ATRIP: variants seen among roughly 807,000 people sequenced by gnomAD.
The protein encoded by ATRIP is ATR-interacting protein.
Under a neutral mutation model 78.1 loss-of-function variants are expected in ATRIP, and 44 were observed. That is an observed-to-expected ratio of 0.56 (90% CI 0.44 to 0.72). The LOEUF (loss-of-function observed/expected upper bound fraction) is 0.72, where lower values mean the gene tolerates loss of function less well. ATRIP is among the 30% of genes least tolerant of loss of function. The pLI, the probability that ATRIP is intolerant of heterozygous loss-of-function variation, is 0.00. For synonymous variants in ATRIP, 388 were observed against 408.9 expected, an observed-to-expected ratio of 0.95 and a Z score of 0.62; for missense variants, 927 against 980.2, an observed-to-expected ratio of 0.95 and a Z score of 0.72.
At chr3:48,463,270 G>A (rs1478085903) in intron 8 of ATRIP, among the ~76,000 whole-genome samples, 2 of 152,186 alleles carry the variant, frequency 1.3e-5, no homozygotes, top group Non-Finnish European at 2.9e-5. Flanking sequence ...GGCAGCAGAT[G>A]TGTTTTCTGG....
At position 48,462,167 on chromosome 3, in the gene ATRIP, A is replaced by AT. The variant is rs567575791; in HGVS notation, c.1745+1381dup. Among the ~76,000 whole-genome samples, 272 of 146,564 alleles carry AT rather than the reference A, an allele frequency of 1.9e-3. 1 individual carries two copies. The highest frequency in any genetic ancestry group is 3.2e-3 in the African/African-American group (129 of 40,328). On this transcript the variant is annotated intron_variant, in intron 8 of 12. Coordinates refer to ENST00000320211, the MANE Select transcript of ATRIP (RefSeq NM_130384.3). ...ACAAAGCAAGACTCCCAGCTCTACA[A>AT]TTTTTTTTTTTTTAATTAGCCAGGC...
chr3:48,463,763 A>G lies in ATRIP; in HGVS notation c.1764A>G (p.Gln588=). 6.2e-7 allele frequency: 1 copy of G among 1,614,076 alleles called. No individual in the cohort carries two copies. Among genetic ancestry groups the G allele is most frequent in the Non-Finnish European group, 8.5e-7 (1 of 1,180,018 alleles). Residue 588 remains glutamine (Q), a synonymous_variant, in exon 9 of 13, where the codon CAA becomes CAG. Coordinates refer to ENST00000320211, the MANE Select transcript of ATRIP (RefSeq NM_130384.3). ...CTTTTAGGTTCCAGTGTGTGTTCCA[A>G]GTGCTGCCAAAGTGCCTCAGCCCAG... The part of the protein sequence containing the change: ...DFLPRFQCVF[Q]VLPKCLSPET...
intron 1 of ATRIP, among the ~76,000 whole-genome samples, chr3:48,449,065 G>A (rs1351682482): frequency 2.0e-5 from 3 of 152,150 alleles, no homozygotes; most frequent in Non-Finnish European, 2.9e-5. Context: ...GAGACTCTTG[G>A]AATTGGATGA....
rs1451652168 is a variant in ATRIP, at chr3:48,463,671, C to G, written c.1746-74C>G. The stretch of plus-strand genomic sequence containing the variant: ...TGACTTGCTCAATTTTCTGTTACCT[C>G]TAGTGGAGTGTGAAGGTAGGTTATG... On this transcript the variant is annotated intron_variant, in intron 8 of 12. Coordinates refer to ENST00000320211, the MANE Select transcript of ATRIP (RefSeq NM_130384.3). The G allele has an allele frequency of 6.3e-6, 10 of 1,586,122 alleles. No individual in the cohort carries two copies. In the East Asian group the frequency reaches 1.6e-4, roughly 25 times the overall value.
Position 48,467,310 on chromosome 3 carries a change from G to T in ATRIP, c.*1756G>T, listed in dbSNP as rs1297546144. On this transcript the variant is annotated 3_prime_UTR_variant, in exon 13 of 13. Transcript: ENST00000320211. ...GAGACCACAGGCCCTGCTGCGGTGGGTGGATGCTCACGCCAGGCCTTTCGG... is the reference window on the plus strand; with the variant it reads ...GAGACCACAGGCCCTGCTGCGGTGGTTGGATGCTCACGCCAGGCCTTTCGG... The T allele has an allele frequency of 6.2e-7, 1 of 1,614,156 alleles. No homozygotes were observed. The highest frequency in any genetic ancestry group is 2.2e-5 in the East Asian group (1 of 44,884).
In ATRIP at chr3:48,450,063, G is replaced by C; in HGVS notation, c.274G>C (p.Asp92His). 6.2e-7 allele frequency: 1 copy of C among 1,613,550 alleles called. No homozygotes were observed. The highest frequency in any genetic ancestry group is 8.5e-7 in the Non-Finnish European group (1 of 1,179,816). Residue 92 changes from aspartate (D) to histidine (H), a missense_variant, in exon 2 of 13, where the codon GAT becomes CAT. Asp to His is a moderately conservative substitution (Grantham distance 81). Transcript: ENST00000320211. The part of the protein sequence containing the change: ...SSDHKVHRLL[D>H]GMSKNPSGKN... ...TGATCATAAGGTCCACAGATTATTA[G>C]ATGGCATGTCAAAAAATCCTTCAGG...
At chr3:48,459,287 T>C in intron 5 of ATRIP, 72 bp from the exon 6 acceptor site, 6 of 1,267,708 alleles carry the variant, frequency 4.7e-6, no homozygotes, top group Non-Finnish European at 6.9e-6. Flanking sequence ...TTTAAACTCA[T>C]TGCATGTAAA....
At chr3:48,460,031 T>C in intron 7 of ATRIP, 79 bp from the exon 8 acceptor site, 1 of 1,550,054 alleles carries the variant, frequency 6.5e-7, no homozygotes, top group South Asian at 1.2e-5. Flanking sequence ...CCTGGAGAAT[T>C]TGGCAGGCAG....
chr3:48,449,977 T>A (rs2039792976), intron 1 of ATRIP, 60 bp from the exon 2 acceptor site: 2 of 1,538,806 alleles, frequency 1.3e-6, no homozygotes. Flanking sequence ...TTTTCAGCAT[T>A]TTCTGGCAAA....
chr3:48,463,865 G>C lies in ATRIP; in HGVS notation c.1866G>C (p.Gln622His). The stretch of plus-strand genomic sequence containing the variant: ...CGGACCACGACCAGCTGGCACCTCA[G>C]CTCTGTTCCCACTCAGGTAAAGCAG... ...LLADHDQLAP[Q>H]LCSHSEGCLL... Residue 622 changes from glutamine to histidine, a missense_variant, in exon 9 of 13, where the codon CAG (glutamine) becomes CAC (histidine). Physicochemically the swap from Gln to His is conservative, Grantham distance 24. Coordinates refer to ENST00000320211, the MANE Select transcript of ATRIP (RefSeq NM_130384.3). 6.2e-7 allele frequency: 1 copy of C among 1,614,126 alleles called. No individual in the cohort carries two copies. The highest frequency in any genetic ancestry group is 1.1e-5 in the South Asian group (1 of 91,080).
chr3:48,464,167 C>T (rs906171210), intron 10 of ATRIP, 35 bp downstream of exon 10: 4 of 1,512,118 alleles, frequency 2.6e-6, no homozygotes, highest in Non-Finnish European at 3.7e-6. Flanking sequence ...GACACTGTCC[C>T]CACCCCATCC....
Position 48,465,787 on chromosome 3 carries a change from G to C in ATRIP, c.*233G>C. On this transcript the variant is annotated 3_prime_UTR_variant, in exon 13 of 13. Transcript: ENST00000320211. ...AGCCCGTCCCCATGGTAACTGATCT[G>C]CCTTGAGGAAGGAGCCCTGCCCTGC... The C allele has an allele frequency of 4.0e-6, 2 of 500,604 alleles. No homozygotes were observed. Among genetic ancestry groups the C allele is most frequent in the Admixed American group, 6.6e-5 (2 of 30,254 alleles). The allele number at this position is 500,604 out of a possible 1,614,324, so 31.0% of individuals were successfully genotyped here. A position where few individuals can be genotyped will look rare whatever the true frequency, so the allele number is the denominator to read the frequency against.
intron 1 of ATRIP, among the ~76,000 whole-genome samples, chr3:48,449,568 T>C (rs1173413757): frequency 6.6e-6 from 1 of 151,692 alleles, no homozygotes; most frequent in Non-Finnish European, 1.5e-5. Flanking sequence ...GAGGATTGCT[T>C]AAGCCCAGGA....
At position 48,464,658 on chromosome 3, in the gene ATRIP, TGGA is replaced by T. The variant is rs776820953; in HGVS notation, c.2054_2055+1del. ...ACTGGCTCCAACTGCCAGTGTAATG[TGGA>T]GGTGAGTGGGTAGGGGCCAACAGCT... On this transcript the variant is annotated inframe_deletion and splice_region_variant, in exon 11 of 13. Coordinates refer to ENST00000320211, the MANE Select transcript of ATRIP (RefSeq NM_130384.3). The T allele has an allele frequency of 6.2e-7, 1 of 1,614,030 alleles. No homozygotes were observed. The highest frequency in any genetic ancestry group is 8.5e-7 in the Non-Finnish European group (1 of 1,179,994).
Position 48,464,184 on chromosome 3 carries a change from C to A in ATRIP, c.1974+52C>A, listed in dbSNP as rs563816899. 6.3e-6 allele frequency: 9 copies of A among 1,421,248 alleles called. No homozygotes were observed. The South Asian group carries it at 6.9e-5, about 11-fold the overall frequency. 88.0% of individuals were successfully genotyped at this position (1,421,248 alleles called of 1,614,324 possible). Reference sequence around the variant, plus strand: ...CACTGTCCCCACCCCATCCTAAGAACCAACAGAATCTCCTTTCTTTCCGCT... The same window carrying A: ...CACTGTCCCCACCCCATCCTAAGAAACAACAGAATCTCCTTTCTTTCCGCT... On this transcript the variant is annotated intron_variant, in intron 10 of 12. Coordinates refer to ENST00000320211, the MANE Select transcript of ATRIP (RefSeq NM_130384.3).
intron 6 of ATRIP, 133 bp from the exon 7 acceptor site, chr3:48,459,654 C>G (rs565316532): frequency 7.8e-6 from 10 of 1,286,236 alleles, no homozygotes; most frequent in African/African-American, 1.5e-5. Context: ...TCCGCACCCA[C>G]AGGCATCTTC....
Position 48,467,314 on chromosome 3 carries a change from A to G in ATRIP, c.*1760A>G. ...CCACAGGCCCTGCTGCGGTGGGTGG[A>G]TGCTCACGCCAGGCCTTTCGGCACC... On this transcript the variant is annotated 3_prime_UTR_variant, in exon 13 of 13. Transcript: ENST00000320211. The G allele has an allele frequency of 6.2e-7, 1 of 1,614,118 alleles. No homozygotes were observed. The highest frequency in any genetic ancestry group is 1.1e-5 in the South Asian group (1 of 91,088).
chr3:48,464,817 C>A lies in ATRIP; in HGVS notation c.2056-14C>A, dbSNP rs2040226557. 4 of 1,603,914 alleles carry A rather than the reference C, an allele frequency of 2.5e-6. No individual in the cohort carries two copies. Among genetic ancestry groups the A allele is most frequent in the Non-Finnish European group, 3.4e-6 (4 of 1,172,450 alleles). ...GGTGGCACCAGGCCTCAGTCTGCACCCCCCCTCTCTCAGGTGGTCAGAGCG... is the reference window on the plus strand; with the variant it reads ...GGTGGCACCAGGCCTCAGTCTGCACACCCCCTCTCTCAGGTGGTCAGAGCG... On this transcript the variant is annotated splice_polypyrimidine_tract_variant and intron_variant, in intron 11 of 12. Coordinates refer to ENST00000320211, the MANE Select transcript of ATRIP (RefSeq NM_130384.3).
At position 48,466,201 on chromosome 3, in the gene ATRIP, GGCCTGTAGGCGGGCC is replaced by G. The variant is rs1358731068; in HGVS notation, c.*648_*662del. ...GAGCAGGGCGGGCCTGGCTCACGTG[GGCCTGTAGGCGGGCC>G]CACGCCAAGTTTCACTTCCCGCCAC... is the stretch of plus-strand genomic sequence containing the variant. On this transcript the variant is annotated 3_prime_UTR_variant, in exon 13 of 13. Transcript: ENST00000320211. 1.8e-6 allele frequency: 1 copy of G among 551,058 alleles called. No individual in the cohort carries two copies. Among genetic ancestry groups the G allele is most frequent in the Non-Finnish European group, 3.3e-6 (1 of 303,874 alleles). The allele number at this position is 551,058 out of a possible 1,614,324, so 34.1% of individuals were successfully genotyped here. A position where few individuals can be genotyped will look rare whatever the true frequency, so the allele number is the denominator to read the frequency against.
Sources: gnomAD v4.1 joint callset for allele counts (sites outside exome capture counted in the v4.1 genomes callset) on GRCh38, gnomAD v4.1.1 for gene constraint, MANE v1.5 for transcripts, NCBI Gene and HGNC (gene_info 2026-07-23, HGNC 2026-07-21) for gene names.